HPRT1: variants seen among roughly 807,000 people sequenced by gnomAD.
The protein encoded by HPRT1 is hypoxanthine-guanine phosphoribosyltransferase.
Under a neutral mutation model 19.0 loss-of-function variants are expected in HPRT1, and 4 were observed. The observed-to-expected ratio is 0.21, with a 90% CI of 0.10 to 0.48. The LOEUF (loss-of-function observed/expected upper bound fraction) is 0.48, where lower values mean the gene tolerates loss of function less well. Among genes scored for constraint, HPRT1 ranks in the 20% least tolerant of loss-of-function variants. The pLI is 0.98. For missense variants in HPRT1, 65 were observed against 164.0 expected (o/e 0.40, Z 3.30); for synonymous variants, 53 against 54.9 (o/e 0.97, Z 0.15).
At chrX:134,481,782 A>G (rs2077641256) in intron 3 of HPRT1, among the ~76,000 whole-genome samples, 1 of 111,752 alleles carries the variant, frequency 8.9e-6, no homozygotes, top group Non-Finnish European at 1.9e-5. Flanking sequence ...GATTCTTAGA[A>G]CATGAAGGTG....
At position 134,482,758 on chromosome X, in the gene HPRT1, G is replaced by A. The variant is rs191078777; in HGVS notation, c.319-3707G>A. On this transcript the variant is annotated intron_variant, in intron 3 of 8. Transcript: ENST00000298556. ...GTAAACAAATTAACTTGTTACCTGA[G>A]CATATGTCCTTTCATACTTATTTTT... 2.7e-5 allele frequency among the ~76,000 whole-genome samples: 3 copies of A among 111,033 alleles called. No individual in the cohort carries two copies. In the East Asian group the frequency reaches 8.4e-4, roughly 31 times the overall value.
intron 3 of HPRT1, among the ~76,000 whole-genome samples, chrX:134,482,904 G>C (rs1379085238): frequency 9.1e-6 from 1 of 110,220 alleles, no homozygotes; most frequent in Non-Finnish European, 1.9e-5. Context: ...TCAGGGTATA[G>C]AAAAACAGTT....
chrX:134,489,843 A>G (rs1039843791), intron 4 of HPRT1, among the ~76,000 whole-genome samples: 1 of 111,966 alleles, frequency 8.9e-6, no homozygotes, highest in South Asian at 3.7e-4. Flanking sequence ...TCAGGAGACT[A>G]TAAGAGACCA....
chrX:134,496,607 T>A (rs966118859), intron 6 of HPRT1, among the ~76,000 whole-genome samples: 1 of 112,102 alleles, frequency 8.9e-6, no homozygotes, highest in Non-Finnish European at 1.9e-5. Flanking sequence ...TCTTTCTAAA[T>A]GGAAATAGAA....
intron 1 of HPRT1, among the ~76,000 whole-genome samples, chrX:134,469,336 T>C (rs759165827): frequency 9.0e-5 from 10 of 111,356 alleles, no homozygotes; most frequent in African/African-American, 3.3e-4. Flanking sequence ...TTTTTTATGC[T>C]TAAAGTAAAC....
intron 5 of HPRT1, among the ~76,000 whole-genome samples, chrX:134,490,981 T>C (rs1489873130): frequency 1.0e-5 from 1 of 98,597 alleles, no homozygotes; most frequent in East Asian, 3.4e-4. Context: ...TAACAGCCTC[T>C]CTCTCTCTCT....
At chrX:134,473,220 C>T in intron 1 of HPRT1, 139 bp from the exon 2 acceptor site, 1 of 479,017 alleles carries the variant, frequency 2.1e-6, no homozygotes, top group East Asian at 3.8e-5. Context: ...CATTATCATA[C>T]CTACAAAGTT....
Position 134,486,533 on chromosome X carries a change from A to C in HPRT1, c.384+3A>C. The C allele has an allele frequency of 9.0e-7, 1 of 1,116,212 alleles. No individual in the cohort carries two copies. The highest frequency in any genetic ancestry group is 1.2e-6 in the Non-Finnish European group (1 of 811,737). The allele number at this position is 1,116,212 out of a possible 1,213,427, so 92.0% of individuals were successfully genotyped here. On this transcript the variant is annotated splice_donor_region_variant and intron_variant, in intron 4 of 8. Coordinates refer to ENST00000298556, the MANE Select transcript of HPRT1 (RefSeq NM_000194.3). ...ATCTCTCAACTTTAACTGGAAAGGT[A>C]TGTATCTTGAAAGGGAAGAAAAAAA...
chrX:134,486,029 G>A (rs1328411588), intron 3 of HPRT1, among the ~76,000 whole-genome samples: 1 of 111,605 alleles, frequency 9.0e-6, no homozygotes, highest in Non-Finnish European at 1.9e-5. Flanking sequence ...GTGTGATATA[G>A]ACCAGCCCTT....
chrX:134,490,262 C>G, intron 5 of HPRT1, 57 bp downstream of exon 5: 2 of 695,757 alleles, frequency 2.9e-6, no homozygotes, highest in Non-Finnish European at 2.2e-6. Context: ...TTAGTATGCA[C>G]CATCCTAAAG....
At chrX:134,466,977 T>G (rs1192428407) in intron 1 of HPRT1, among the ~76,000 whole-genome samples, 1 of 110,669 alleles carries the variant, frequency 9.0e-6, no homozygotes, top group Non-Finnish European at 1.9e-5. Flanking sequence ...TGTTACAGAT[T>G]ATGAGCTTTA....
chrX:134,473,262 T>G (rs1262634431), intron 1 of HPRT1, 97 bp from the exon 2 acceptor site: 1 of 569,139 alleles, frequency 1.8e-6, no homozygotes, highest in Admixed American at 2.5e-5. Flanking sequence ...ACACCTAAAT[T>G]TCTCTGATAG....
At chrX:134,491,783 G>A (rs773169494) in intron 5 of HPRT1, among the ~76,000 whole-genome samples, 1 of 106,445 alleles carries the variant, frequency 9.4e-6, no homozygotes, top group African/African-American at 3.4e-5. Context: ...CCAGGCTGGA[G>A]TGCAGTGGTA....
chrX:134,461,811 G>A (rs901605773), intron 1 of HPRT1, among the ~76,000 whole-genome samples: 1 of 111,833 alleles, frequency 8.9e-6, no homozygotes, highest in African/African-American at 3.3e-5. Flanking sequence ...TTAAGAGAAG[G>A]AGCTCTGTCT....
Position 134,474,420 on chromosome X carries a change from C to CTT in HPRT1, c.135-746_135-745dup, listed in dbSNP as rs5903877. On this transcript the variant is annotated intron_variant, in intron 2 of 8. Coordinates refer to ENST00000298556, the MANE Select transcript of HPRT1 (RefSeq NM_000194.3). ...GTACCTTTCTCTTCACAATTTGTCT[C>CTT]TTTTTTTTTTTTTTTTGAGACAAGG... Among the ~76,000 whole-genome samples, 478 of 94,673 alleles carry CTT rather than the reference C, an allele frequency of 5.0e-3. 3 individuals carry two copies. The highest frequency in any genetic ancestry group is 0.013 in the African/African-American group (322 of 25,651). 82.2% of individuals were successfully genotyped at this position (94,673 alleles called of 115,157 possible). A position where few individuals can be genotyped will look rare whatever the true frequency, so the allele number is the denominator to read the frequency against.
Position 134,480,408 on chromosome X carries a change from C to T in HPRT1, c.318+5044C>T, listed in dbSNP as rs183566835. ...CAATTACGGGATTTTCCCTCAGTTG[C>T]AGTCAAGGTTCATAAAACTATAACT... is the stretch of plus-strand genomic sequence containing the variant. On this transcript the variant is annotated intron_variant, in intron 3 of 8. Transcript: ENST00000298556. 4.6e-3 allele frequency among the ~76,000 whole-genome samples: 506 copies of T among 109,472 alleles called. 3 individuals carry two copies. The highest frequency in any genetic ancestry group is 7.3e-3 in the Non-Finnish European group (386 of 52,775).
At chrX:134,489,251 A>G (rs977959794) in intron 4 of HPRT1, among the ~76,000 whole-genome samples, 1 of 111,983 alleles carries the variant, frequency 8.9e-6, no homozygotes, top group African/African-American at 3.2e-5. Flanking sequence ...ATTTTAAATT[A>G]TATATGATTT....
At chrX:134,498,513 T>G (rs2077687447) in intron 7 of HPRT1, 77 bp downstream of exon 7, 1 of 1,017,728 alleles carries the variant, frequency 9.8e-7, no homozygotes, top group East Asian at 3.0e-5. Context: ...GGCTTATAAT[T>G]GCTTAGAGAA....
chrX:134,498,112 G>T (rs1029511873), intron 6 of HPRT1, among the ~76,000 whole-genome samples: 19 of 111,845 alleles, frequency 1.7e-4, no homozygotes, highest in Admixed American at 6.6e-4. Flanking sequence ...CCCCTTCAAT[G>T]GACACATGGG....
Sources: gnomAD v4.1 joint callset for allele counts (sites outside exome capture counted in the v4.1 genomes callset) on GRCh38, gnomAD v4.1.1 for gene constraint, MANE v1.5 for transcripts, NCBI Gene and HGNC (gene_info 2026-07-23, HGNC 2026-07-21) for gene names.